CIB2: variants seen among roughly 807,000 people sequenced by gnomAD.
The protein encoded by CIB2 is calcium and integrin-binding family member 2.
In CIB2, 19 loss-of-function variants were observed where a neutral mutation model predicts 23.1. That is an observed-to-expected ratio of 0.82 (90% CI 0.57 to 1.21). CIB2 has a LOEUF of 1.21. CIB2 is among the 50% of genes most tolerant of loss of function. The pLI is 0.00. For missense variants in CIB2, 220 were observed against 241.5 expected (o/e 0.91, Z 0.59); for synonymous variants, 94 against 91.7 (o/e 1.03, Z -0.14).
chr15:78,113,905 G>A (rs1404208133), intron 2 of CIB2, among the ~76,000 whole-genome samples: 1 of 152,220 alleles, frequency 6.6e-6, no homozygotes, highest in African/African-American at 2.4e-5. Flanking sequence ...CACCTCATAT[G>A]TGGCAGTGTG....
At chr15:78,128,802 C>G (rs1202328655) in intron 1 of CIB2, among the ~76,000 whole-genome samples, 4 of 152,046 alleles carry the variant, frequency 2.6e-5, no homozygotes, top group Non-Finnish European at 1.5e-5. Flanking sequence ...AGGGAGCAGT[C>G]AGACCTCCAG....
intron 2 of CIB2, among the ~76,000 whole-genome samples, chr15:78,118,208 T>C (rs2074266596): frequency 6.6e-6 from 1 of 152,266 alleles, no homozygotes; most frequent in Non-Finnish European, 1.5e-5. Flanking sequence ...AAAGAAAGAC[T>C]AAGAGGAAGG....
intron 4 of CIB2, 32 bp downstream of exon 4, chr15:78,109,203 A>T: frequency 6.5e-6 from 5 of 769,768 alleles, no homozygotes; most frequent in African/African-American, 2.6e-5. Flanking sequence ...CCCCCACCGC[A>T]TATTCAGGCC....
intron 2 of CIB2, among the ~76,000 whole-genome samples, chr15:78,115,136 A>G (rs2074218864): frequency 6.6e-6 from 1 of 152,252 alleles, no homozygotes. Flanking sequence ...GTTATATACT[A>G]CATGTTTACA....
At chr15:78,106,598 G>A (rs959218897) in intron 4 of CIB2, among the ~76,000 whole-genome samples, 7 of 152,168 alleles carry the variant, frequency 4.6e-5, no homozygotes, top group Non-Finnish European at 7.3e-5. Context: ...AGAGGACCGA[G>A]CCATGCCTGG....
intron 4 of CIB2, 44 bp downstream of exon 4, chr15:78,109,191 T>A (rs746557243): frequency 1.9e-5 from 25 of 1,337,664 alleles, no homozygotes; most frequent in Non-Finnish European, 2.2e-5. Flanking sequence ...GCCCCACATG[T>A]TCCCCCACCG....
rs755266215 is a variant in CIB2 at position 78,105,736 on chromosome 15, C to T, written c.542+3G>A. On this transcript the variant is annotated splice_donor_region_variant and intron_variant, in intron 5 of 5. Coordinates refer to ENST00000258930, the MANE Select transcript of CIB2 (RefSeq NM_006383.4). ...CCAAGCCCGGCCCCTGTAGTGGCAG[C>T]ACCTGAGGAAGTCAGGGGCCTTGGC... 1 of 1,613,884 alleles carries T rather than the reference C, an allele frequency of 6.2e-7. No individual in the cohort carries two copies. The highest frequency in any genetic ancestry group is 8.5e-7 in the Non-Finnish European group (1 of 1,179,912).
rs545211385 is a variant in CIB2 at position 78,108,254 on chromosome 15, C to T, written c.346+981G>A. ...AGAAAAAAGAAAGCAAAATGTCAGCCCCTGATAGGCCCTGCTGCCTTTGGG... is the reference window on the plus strand; with the variant it reads ...AGAAAAAAGAAAGCAAAATGTCAGCTCCTGATAGGCCCTGCTGCCTTTGGG... On this transcript the variant is annotated intron_variant, in intron 4 of 5. Transcript: ENST00000258930. Among the ~76,000 whole-genome samples, 10 of 152,112 alleles carry T rather than the reference C, an allele frequency of 6.6e-5. No individual in the cohort carries two copies. In the East Asian group the frequency reaches 1.7e-3, roughly 26 times the overall value.
At chr15:78,122,859 G>A (rs910578650) in intron 2 of CIB2, among the ~76,000 whole-genome samples, 1 of 152,232 alleles carries the variant, frequency 6.6e-6, no homozygotes, top group Admixed American at 6.5e-5. Flanking sequence ...TGAGCAGAAT[G>A]GTTAGGGCAG....
intron 2 of CIB2, among the ~76,000 whole-genome samples, chr15:78,114,949 A>G (rs944347463): frequency 6.6e-6 from 1 of 152,098 alleles, no homozygotes; most frequent in African/African-American, 2.4e-5. Context: ...TGGTAAATCA[A>G]ATCTAAGACT....
At chr15:78,108,491 G>C (rs889648867) in intron 4 of CIB2, among the ~76,000 whole-genome samples, 1 of 152,174 alleles carries the variant, frequency 6.6e-6, no homozygotes, top group African/African-American at 2.4e-5. Context: ...AGAAGCATGA[G>C]TCCTTGGCTC....
chr15:78,116,832 G>A (rs2074246592), intron 2 of CIB2, among the ~76,000 whole-genome samples: 1 of 151,994 alleles, frequency 6.6e-6, no homozygotes, highest in South Asian at 2.1e-4. Flanking sequence ...TGTAATCCCA[G>A]TGCTTTGGGA....
chr15:78,115,640 C>T (rs985960639), intron 2 of CIB2, among the ~76,000 whole-genome samples: 2 of 142,954 alleles, frequency 1.4e-5, no homozygotes, highest in African/African-American at 5.2e-5. Context: ...AAAGGAGTTT[C>T]TGCTTAGGAG....
At position 78,131,227 on chromosome 15, in the gene CIB2, C is replaced by A; in HGVS notation, c.-12G>T. 6.7e-7 allele frequency: 1 copy of A among 1,494,010 alleles called. No homozygotes were observed. The highest frequency in any genetic ancestry group is 8.9e-7 in the Non-Finnish European group (1 of 1,118,264). The allele number at this position is 1,494,010 out of a possible 1,614,324, so 92.5% of individuals were successfully genotyped here. A position where few individuals can be genotyped will look rare whatever the true frequency, so the allele number is the denominator to read the frequency against. On this transcript the variant is annotated 5_prime_UTR_variant, in exon 1 of 6. Coordinates refer to ENST00000258930, the MANE Select transcript of CIB2 (RefSeq NM_006383.4). The surrounding 1 kb of genome is among the most constrained non-coding windows in gnomAD (Gnocchi z 5.8). ...TGCTTGTTCCCCATGGTGGCCGCCG[C>A]GCCGCCGCTCGCCCGCCCGGGCTCC...
intron 1 of CIB2, among the ~76,000 whole-genome samples, chr15:78,124,074 GGAT>G (rs2074352566): frequency 2.0e-5 from 3 of 152,102 alleles, no homozygotes; most frequent in Admixed American, 2.0e-4. Context: ...ATACACTGGG[GGAT>G]GACAGGGAGG....
chr15:78,117,283 T>TAAA (rs1265422874), intron 2 of CIB2, among the ~76,000 whole-genome samples: 4 of 133,580 alleles, frequency 3.0e-5, no homozygotes, highest in Admixed American at 8.2e-5. Context: ...AAAGTTTGTT[T>TAAA]AAAAGAATAA....
intron 1 of CIB2, among the ~76,000 whole-genome samples, chr15:78,127,617 TC>T (rs57238468): frequency 0.13 from 20,233 of 152,102 alleles, 1,621 homozygotes; most frequent in Non-Finnish European, 0.19. Context: ...AAAGCTCAAC[TC>T]AAGGGTGACT....
At chr15:78,126,883 T>TA (rs1468363788) in intron 1 of CIB2, among the ~76,000 whole-genome samples, 1 of 152,190 alleles carries the variant, frequency 6.6e-6, no homozygotes, top group African/African-American at 2.4e-5. Flanking sequence ...AGTGCACAGG[T>TA]AGTGAATATG....
At chr15:78,125,529 C>T (rs1159189650) in intron 1 of CIB2, among the ~76,000 whole-genome samples, 2 of 152,144 alleles carry the variant, frequency 1.3e-5, no homozygotes, top group African/African-American at 4.8e-5. Flanking sequence ...TCCCCTATAA[C>T]CCTGCTCCCT....
Sources: gnomAD v4.1 joint callset for allele counts (sites outside exome capture counted in the v4.1 genomes callset) on GRCh38, gnomAD v4.1.1 for gene constraint, Gnocchi (gnomAD v3.1) non-coding constraint, MANE v1.5 for transcripts, NCBI Gene and HGNC (gene_info 2026-07-23, HGNC 2026-07-21) for gene names.